Variants in SMIM5 observed in about 807,000 individuals in gnomAD.
SMIM5 encodes the protein chromosome 17 open reading frame 109.
SMIM5 carries 4 observed loss-of-function variants against 4.0 expected under a neutral mutation model. The observed-to-expected ratio is 1.01, with a 90% confidence interval of 0.50 to 2.30. The LOEUF (loss-of-function observed/expected upper bound fraction) is 2.30. Among genes scored for constraint, SMIM5 ranks in the 30% most tolerant of loss-of-function variants. The pLI is 0.02. For synonymous variants in SMIM5, 46 were observed against 43.6 expected (o/e 1.05, Z -0.22); for missense variants, 107 against 99.2 (o/e 1.08, Z -0.34).
At chr17:75,634,896 C>A (rs761108046) in intron 1 of SMIM5, among the ~76,000 whole-genome samples, 1 of 152,202 alleles carries the variant, frequency 6.6e-6, no homozygotes, top group Non-Finnish European at 1.5e-5. Context: ...CGCTGGCAAC[C>A]GGGACCTCTG....
chr17:75,639,303 G>C (rs1331000129), intron 1 of SMIM5: 1 of 152,388 alleles, frequency 6.6e-6, no homozygotes, highest in African/African-American at 2.4e-5. Context: ...TGGTGAACTG[G>C]ATCAGGCTGG....
In SMIM5 at chr17:75,641,201, GGTCCCCATACCTTGATGGAGAACA is replaced by G. The variant is rs1377450505; in HGVS notation, c.*312_*335del. On this transcript the variant is annotated 3_prime_UTR_variant, in exon 3 of 3. Coordinates refer to ENST00000375215, the MANE Select transcript of SMIM5 (RefSeq NM_001162995.3). Reference sequence around the variant, plus strand: ...CTTTTTAACAAAACAAGGAAGTAGGGGTCCCCATACCTTGATGGAGAACAGTCCCCACCTGTGGGCAATTGGCCC... The same window carrying G: ...CTTTTTAACAAAACAAGGAAGTAGGGGTCCCCACCTGTGGGCAATTGGCCC... 1.1e-4 allele frequency: 36 copies of G among 341,842 alleles called. 1 individual carries two copies. The Admixed American group carries it at 1.3e-3, about 12-fold the overall frequency. The allele number at this position is 341,842 out of a possible 1,614,324, so 21.2% of individuals were successfully genotyped here. A position where few individuals can be genotyped will look rare whatever the true frequency, so the allele number is the denominator to read the frequency against.
At position 75,633,574 on chromosome 17, in the gene SMIM5, G is replaced by C. The variant is rs1414610736; in HGVS notation, c.-665G>C. On this transcript the variant is annotated 5_prime_UTR_variant, in exon 1 of 3. Coordinates refer to ENST00000375215, the MANE Select transcript of SMIM5 (RefSeq NM_001162995.3). The stretch of plus-strand genomic sequence containing the variant: ...GCTGAGCGGCACAAGGGCCTCCCCA[G>C]GGACTGGTTGCAAAGCCTCCTGCTC... 3 of 1,252,030 alleles carry C rather than the reference G, an allele frequency of 2.4e-6. No individual in the cohort carries two copies. The highest frequency in any genetic ancestry group is 3.1e-6 in the Non-Finnish European group (3 of 969,394). 77.6% of individuals were successfully genotyped at this position (1,252,030 alleles called of 1,614,324 possible). A position where few individuals can be genotyped will look rare whatever the true frequency, so the allele number is the denominator to read the frequency against.
intron 1 of SMIM5, chr17:75,638,912 C>T (rs2059378751): frequency 6.6e-6 from 1 of 152,288 alleles, no homozygotes; most frequent in Admixed American, 6.5e-5. Context: ...GGCTACGAGG[C>T]AGAAGAGGGG....
Position 75,641,128 on chromosome 17 carries a change from C to G in SMIM5, c.*231C>G. On this transcript the variant is annotated 3_prime_UTR_variant, in exon 3 of 3. Transcript: ENST00000375215. The stretch of plus-strand genomic sequence containing the variant: ...TGGACACTGGGTGCTGGGGAGTCAG[C>G]TGTTTCAAAGACTGGGTCAACTGCC... 1.5e-6 allele frequency: 1 copy of G among 682,498 alleles called. No homozygotes were observed. The highest frequency in any genetic ancestry group is 2.3e-6 in the Non-Finnish European group (1 of 437,314). 42.3% of individuals were successfully genotyped at this position (682,498 alleles called of 1,614,324 possible). A position where few individuals can be genotyped will look rare whatever the true frequency, so the allele number is the denominator to read the frequency against.
Position 75,640,752 on chromosome 17 carries a change from C to A in SMIM5, c.128-39C>A. ...GGAGGAGGGTGGGCATCCTTTCTCT[C>A]CCCCAACCTGAGTCCCGTGCTCTCT... On this transcript the variant is annotated intron_variant, in intron 2 of 2. Transcript: ENST00000375215. The surrounding 1 kb of genome is among the most constrained non-coding windows in gnomAD (Gnocchi z 4.6). 1 of 1,539,920 alleles carries A rather than the reference C, an allele frequency of 6.5e-7. No homozygotes were observed. Among genetic ancestry groups the A allele is most frequent in the Non-Finnish European group, 8.8e-7 (1 of 1,139,716 alleles).
rs753430072 is a variant in SMIM5, at chr17:75,640,198, C to A, written c.-4C>A. 17 of 1,545,586 alleles carry A rather than the reference C, an allele frequency of 1.1e-5. No homozygotes were observed. Among genetic ancestry groups the A allele is most frequent in the Non-Finnish European group, 1.5e-5 (17 of 1,144,908 alleles). On this transcript the variant is annotated 5_prime_UTR_variant, in exon 2 of 3. Coordinates refer to ENST00000375215, the MANE Select transcript of SMIM5 (RefSeq NM_001162995.3). This position sits in a 1 kb window ranked among gnomAD's most constrained non-coding sequence, Gnocchi z 4.6. ...CAGGAGCCCCAACAGGAAGCCAGCGCGGCATGGCTGCCACCGACTTCGTGC... is the reference window on the plus strand; with the variant it reads ...CAGGAGCCCCAACAGGAAGCCAGCGAGGCATGGCTGCCACCGACTTCGTGC...
chr17:75,640,054 A>T lies in SMIM5; in HGVS notation c.-36-112A>T. On this transcript the variant is annotated intron_variant, in intron 1 of 2. Transcript: ENST00000375215. This position sits in a 1 kb window ranked among gnomAD's most constrained non-coding sequence, Gnocchi z 4.6. ...AGTCACCAGGGGTGCAATGTGTGAGACCTGACAAACTTGTTCTGCGGGCTG... is the reference window on the plus strand; with the variant it reads ...AGTCACCAGGGGTGCAATGTGTGAGTCCTGACAAACTTGTTCTGCGGGCTG... 1 of 1,175,006 alleles carries T rather than the reference A, an allele frequency of 8.5e-7. No homozygotes were observed. Among genetic ancestry groups the T allele is most frequent in the Non-Finnish European group, 1.2e-6 (1 of 866,798 alleles). 72.8% of individuals were successfully genotyped at this position (1,175,006 alleles called of 1,614,324 possible).
chr17:75,633,904 T>C lies in SMIM5; in HGVS notation c.-335T>C, dbSNP rs1315107409. 7.1e-6 allele frequency: 7 copies of C among 989,674 alleles called. No individual in the cohort carries two copies. The highest frequency in any genetic ancestry group is 8.4e-6 in the Non-Finnish European group (7 of 832,238). 61.3% of individuals were successfully genotyped at this position (989,674 alleles called of 1,614,324 possible). A position where few individuals can be genotyped will look rare whatever the true frequency, so the allele number is the denominator to read the frequency against. ...GAGGAAGGAGGAGGAGAGAGGGAGC[T>C]TGTCTTGTCCCTGAGCAGCGCTCTC... On this transcript the variant is annotated 5_prime_UTR_variant, in exon 1 of 3. Transcript: ENST00000375215.
chr17:75,640,871 G>T lies in SMIM5; in HGVS notation c.208G>T (p.Val70Phe). Residue 70 changes from valine (V) to phenylalanine (F), a missense_variant, in exon 3 of 3, where the codon GTC (valine) becomes TTC (phenylalanine). Physicochemically the swap from Val to Phe is conservative, Grantham distance 50. Transcript: ENST00000375215. This position sits in a 1 kb window ranked among gnomAD's most constrained non-coding sequence, Gnocchi z 4.6. ...CTGCCCTGAGCGGAGAGGCAGGAAG[G>T]TCCAGGTGCAGCCGACACCACCATG... ...CCCPERRGRK[V>F]QVQPTPP 1.3e-6 allele frequency: 2 copies of T among 1,547,284 alleles called. No individual in the cohort carries two copies. Among genetic ancestry groups the T allele is most frequent in the Non-Finnish European group, 1.7e-6 (2 of 1,146,956 alleles).
At chr17:75,634,326 G>A (rs1210399982) in intron 1 of SMIM5, 124 bp downstream of exon 1, 4 of 919,036 alleles carry the variant, frequency 4.4e-6, no homozygotes, top group South Asian at 5.0e-5. Context: ...ATGCTGGGTC[G>A]CTTCCCTGCA....
rs2059271851 is a variant in SMIM5 at position 75,634,025 on chromosome 17, G to C, written c.-214G>C. On this transcript the variant is annotated 5_prime_UTR_variant, in exon 1 of 3. Transcript: ENST00000375215. ...CCTCGCGACGGTAATTTGACACTTGGATCTCCAGGACGACCAACAACAAAA... is the reference window on the plus strand; with the variant it reads ...CCTCGCGACGGTAATTTGACACTTGCATCTCCAGGACGACCAACAACAAAA... 3.0e-6 allele frequency: 3 copies of C among 985,440 alleles called. No homozygotes were observed. The highest frequency in any genetic ancestry group is 5.2e-4 in the Middle Eastern group (1 of 1,938). The allele number at this position is 985,440 out of a possible 1,614,324, so 61.0% of individuals were successfully genotyped here.
At chr17:75,639,562 C>CA (rs2059393686) in intron 1 of SMIM5, 1 of 152,448 alleles carries the variant, frequency 6.6e-6, no homozygotes, top group Admixed American at 6.5e-5. Flanking sequence ...CCCCTCCCAA[C>CA]AGACAGGACA....
chr17:75,636,239 G>A lies in SMIM5; in HGVS notation c.-37+2037G>A, dbSNP rs1468474714. ...GCCTCCAACCAAGGCACTACTGAGC[G>A]TGGGGTTGGGAGGGACTCTGGTTGC... is the stretch of plus-strand genomic sequence containing the variant. On this transcript the variant is annotated intron_variant, in intron 1 of 2. Coordinates refer to ENST00000375215, the MANE Select transcript of SMIM5 (RefSeq NM_001162995.3). The surrounding 1 kb of genome is among the most constrained non-coding windows in gnomAD (Gnocchi z 5.4). Among the ~76,000 whole-genome samples the A allele has an allele frequency of 2.6e-5, 4 of 152,314 alleles. No individual in the cohort carries two copies. The highest frequency in any genetic ancestry group is 4.4e-5 in the Non-Finnish European group (3 of 68,022).
Position 75,640,323 on chromosome 17 carries a change from T to G in SMIM5, c.122T>G (p.Phe41Cys), listed in dbSNP as rs945984227. The G allele has an allele frequency of 6.8e-5, 106 of 1,547,738 alleles. 1 individual carries two copies. The highest frequency in any genetic ancestry group is 3.3e-4 in the Middle Eastern group (2 of 6,004). The change falls in exon 2 of 3, where the codon TTC (phenylalanine) becomes TGC (cysteine). Residue 41 changes from phenylalanine (F) to cysteine (C), a missense_variant. Transcript: ENST00000375215. The surrounding 1 kb of genome is among the most constrained non-coding windows in gnomAD (Gnocchi z 4.6). ...EIVAFSVIIL[F>C]TATVLLLLLI... ...GTGGCCTTCTCAGTCATCATCCTTT[T>G]CACAGGTTAGTTGGGGCACTCAGCA...
At position 75,640,247 on chromosome 17, in the gene SMIM5, A is replaced by G; in HGVS notation, c.46A>G (p.Arg16Gly). The part of the protein sequence containing the change: ...FVQEMRAVGE[R>G]LLLKLQRLPQ... ...GCAGGAGATGCGCGCCGTGGGCGAG[A>G]GGCTGCTGCTCAAGCTGCAGAGACT... Residue 16 changes from arginine (R) to glycine (G), a missense_variant, in exon 2 of 3, where the codon AGG becomes GGG. Physicochemically the swap from Arg to Gly is moderately radical, Grantham distance 125. Coordinates refer to ENST00000375215, the MANE Select transcript of SMIM5 (RefSeq NM_001162995.3). This position sits in a 1 kb window ranked among gnomAD's most constrained non-coding sequence, Gnocchi z 4.6. 6.4e-7 allele frequency: 1 copy of G among 1,551,294 alleles called. No homozygotes were observed. The highest frequency in any genetic ancestry group is 8.7e-7 in the Non-Finnish European group (1 of 1,146,850).
chr17:75,635,221 G>A (rs2059296685), intron 1 of SMIM5, among the ~76,000 whole-genome samples: 1 of 152,192 alleles, frequency 6.6e-6, no homozygotes, highest in Non-Finnish European at 1.5e-5. Context: ...CTGGTGTCTG[G>A]GGAGACAAGC....
At position 75,633,780 on chromosome 17, in the gene SMIM5, C is replaced by G; in HGVS notation, c.-459C>G. The G allele has an allele frequency of 9.9e-7, 1 of 1,013,748 alleles. No homozygotes were observed. Among genetic ancestry groups the G allele is most frequent in the Non-Finnish European group, 1.2e-6 (1 of 845,148 alleles). 62.8% of individuals were successfully genotyped at this position (1,013,748 alleles called of 1,614,324 possible). A position where few individuals can be genotyped will look rare whatever the true frequency, so the allele number is the denominator to read the frequency against. ...TCCACAGGCTCAGGTGGAGCCTCCC[C>G]AGGGTCCTCCTGGCCAGGAAGGCAG... On this transcript the variant is annotated 5_prime_UTR_variant, in exon 1 of 3. Transcript: ENST00000375215.
intron 1 of SMIM5, among the ~76,000 whole-genome samples, chr17:75,634,914 A>C (rs2059290146): frequency 6.6e-6 from 1 of 152,166 alleles, no homozygotes; most frequent in Non-Finnish European, 1.5e-5. Context: ...CTGCTGTGCC[A>C]CCGTGATGCA....
Sources: allele counts gnomAD v4.1 joint callset (sites outside exome capture counted in the v4.1 genomes callset), GRCh38; gene constraint gnomAD v4.1.1; non-coding constraint Gnocchi (gnomAD v3.1); transcripts MANE v1.5; gene names NCBI Gene and HGNC (gene_info 2026-07-23, HGNC 2026-07-21).